PPARG: variants seen among roughly 807,000 people sequenced by gnomAD.
PPARG encodes the protein peroxisome proliferator-activated receptor gamma.
PPARG carries 17 observed loss-of-function variants against 39.2 expected under a neutral mutation model. That is an observed-to-expected ratio of 0.43 (90% CI 0.30 to 0.65). The LOEUF is 0.65. Among genes scored for constraint, PPARG ranks in the 30% least tolerant of loss-of-function variants. The pLI is 0.13. For synonymous variants in PPARG, 223 were observed against 215.7 expected, an observed-to-expected ratio of 1.03 and a Z score of -0.30; for missense variants, 406 against 585.9, an observed-to-expected ratio of 0.69 and a Z score of 3.17.
At chr3:12,313,242 T>C (rs981111967) in intron 2 of PPARG, among the ~76,000 whole-genome samples, 1 of 152,086 alleles carries the variant, frequency 6.6e-6, no homozygotes, top group African/African-American at 2.4e-5. Context: ...GATAGATAGA[T>C]ACAGAAATTA....
At chr3:12,429,831 T>G (rs6782475) in intron 7 of PPARG, among the ~76,000 whole-genome samples, 34,118 of 152,160 alleles carry the variant, frequency 0.22, 4,413 homozygotes, top group African/African-American at 0.34. Flanking sequence ...ATAGAGCAAC[T>G]GCGAGGAAGA....
At chr3:12,360,983 A>G (rs1027654738) in intron 2 of PPARG, among the ~76,000 whole-genome samples, 1 of 152,140 alleles carries the variant, frequency 6.6e-6, no homozygotes, top group Admixed American at 6.6e-5. Context: ...GACGTTGCCA[A>G]CAGTTCTGAA....
intron 6 of PPARG, among the ~76,000 whole-genome samples, chr3:12,411,676 C>T (rs1043383256): frequency 6.6e-6 from 1 of 152,078 alleles, no homozygotes; most frequent in African/African-American, 2.4e-5. Context: ...CTCTGGCTTC[C>T]GTTTATCCAT....
chr3:12,430,615 C>T (rs933284926), intron 7 of PPARG, among the ~76,000 whole-genome samples: 2 of 152,052 alleles, frequency 1.3e-5, no homozygotes, highest in Admixed American at 6.6e-5. Flanking sequence ...GCCCTTGGCA[C>T]GATCTTTGGA....
chr3:12,413,273 A>G (rs2050941820), intron 6 of PPARG, among the ~76,000 whole-genome samples: 1 of 152,200 alleles, frequency 6.6e-6, no homozygotes, highest in Admixed American at 6.5e-5. Context: ...ACTCTCTGCT[A>G]TCTAAGAATT....
At chr3:12,342,350 G>GGAACATACAGCCAAATGC (rs1343353159) in intron 2 of PPARG, among the ~76,000 whole-genome samples, 1 of 152,190 alleles carries the variant, frequency 6.6e-6, no homozygotes, top group Non-Finnish European at 1.5e-5. Flanking sequence ...AGTCATGCTA[G>GGAACATACAGCCAAATGC]ATTTAAAACA....
chr3:12,365,567 C>T (rs1026644887), intron 2 of PPARG, among the ~76,000 whole-genome samples: 1 of 151,750 alleles, frequency 6.6e-6, no homozygotes, highest in Non-Finnish European at 1.5e-5. Context: ...AGAATAAGCT[C>T]TGTGTCTAAA....
At position 12,392,897 on chromosome 3, in the gene PPARG, CT is replaced by C. The variant is rs1345070622; in HGVS notation, c.529+149del. 59 of 1,075,800 alleles carry C rather than the reference CT, an allele frequency of 5.5e-5. No individual in the cohort carries two copies. In the East Asian group the frequency reaches 1.1e-3, roughly 20 times the overall value. 66.6% of individuals were successfully genotyped at this position (1,075,800 alleles called of 1,614,324 possible). A position where few individuals can be genotyped will look rare whatever the true frequency, so the allele number is the denominator to read the frequency against. Reference sequence around the variant, plus strand: ...TATTGCATGGCGATAAAACATTTCTCTTTTAGGTCAGTGTTTTTAAAGTTTT... The same window carrying C: ...TATTGCATGGCGATAAAACATTTCTCTTTAGGTCAGTGTTTTTAAAGTTTT... On this transcript the variant is annotated intron_variant, in intron 5 of 7. Coordinates refer to ENST00000651735, the MANE Select transcript of PPARG (RefSeq NM_138711.6).
At chr3:12,354,148 A>G (rs2048579443) in intron 2 of PPARG, among the ~76,000 whole-genome samples, 1 of 152,206 alleles carries the variant, frequency 6.6e-6, no homozygotes, top group South Asian at 2.1e-4. Context: ...AGGCAACTGT[A>G]TATTCAGAAA....
chr3:12,384,169 A>G (rs919815053), intron 4 of PPARG, among the ~76,000 whole-genome samples: 2 of 152,148 alleles, frequency 1.3e-5, no homozygotes, highest in African/African-American at 2.4e-5. Context: ...GAAAATTTAA[A>G]CATTTAGTAA....
At chr3:12,401,191 T>G (rs545292704) in intron 5 of PPARG, among the ~76,000 whole-genome samples, 1 of 152,334 alleles carries the variant, frequency 6.6e-6, no homozygotes, top group African/African-American at 2.4e-5. Flanking sequence ...TTCGCTTTCC[T>G]CCTCTTGGTT....
chr3:12,344,891 C>G (rs1240983742), intron 2 of PPARG: 1 of 152,096 alleles, frequency 6.6e-6, no homozygotes, highest in African/African-American at 2.4e-5. Context: ...GAATGCAAAC[C>G]CAGGTCTGTT....
chr3:12,315,835 C>A (rs2047374230), intron 2 of PPARG, among the ~76,000 whole-genome samples: 1 of 152,062 alleles, frequency 6.6e-6, no homozygotes, highest in Admixed American at 6.6e-5. Flanking sequence ...TTGTTGGTGA[C>A]AGTGAGGGTC....
chr3:12,370,557 C>T (rs1049146749), intron 2 of PPARG, among the ~76,000 whole-genome samples: 3 of 152,138 alleles, frequency 2.0e-5, no homozygotes, highest in Non-Finnish European at 4.4e-5. Context: ...AAGAGATAGT[C>T]GCAAACTTCA....
At chr3:12,318,657 A>G (rs748032507) in intron 2 of PPARG, among the ~76,000 whole-genome samples, 27 of 152,110 alleles carry the variant, frequency 1.8e-4, no homozygotes, top group Non-Finnish European at 3.1e-4. Flanking sequence ...CTCCTTCCAC[A>G]GTTTTCTTTG....
At chr3:12,426,490 A>G (rs1019520234) in intron 7 of PPARG, among the ~76,000 whole-genome samples, 4 of 152,056 alleles carry the variant, frequency 2.6e-5, no homozygotes, top group African/African-American at 9.7e-5. Flanking sequence ...AATCCCCAGC[A>G]AGATGCAGGC....
intron 1 of PPARG, chr3:12,297,853 A>G (rs1242590598): frequency 6.6e-6 from 1 of 151,976 alleles, no homozygotes; most frequent in Admixed American, 6.6e-5. Flanking sequence ...TCTAAAATTG[A>G]ATGACCTCAT....
chr3:12,323,921 A>C (rs908817048), intron 2 of PPARG, among the ~76,000 whole-genome samples: 7 of 152,320 alleles, frequency 4.6e-5, no homozygotes, highest in African/African-American at 1.7e-4. Flanking sequence ...CGAGTAGGAC[A>C]GTTCTCTTCT....
chr3:12,332,142 A>G (rs2047880115), intron 2 of PPARG, among the ~76,000 whole-genome samples: 1 of 152,208 alleles, frequency 6.6e-6, no homozygotes, highest in Admixed American at 6.5e-5. Context: ...CAGTGTATAC[A>G]TTGTTCTTGG....
Sources: gnomAD v4.1 joint callset for allele counts (sites outside exome capture counted in the v4.1 genomes callset) on GRCh38, gnomAD v4.1.1 for gene constraint, MANE v1.5 for transcripts, NCBI Gene and HGNC (gene_info 2026-07-23, HGNC 2026-07-21) for gene names.